Variants in MLXIP observed in about 807,000 individuals in gnomAD.
The protein encoded by MLXIP is MLX interacting protein.
A neutral mutation model predicts 87.2 loss-of-function variants in MLXIP; 30 were observed. The observed-to-expected ratio is 0.34, with a 90% CI of 0.26 to 0.47. MLXIP has a LOEUF of 0.47. Ranked by LOEUF, MLXIP falls within the 20% of genes least tolerant of loss-of-function variation. The pLI is 1.00. For missense variants in MLXIP, 1,002 were observed against 1,240.1 expected (o/e 0.81, Z 2.88); for synonymous variants, 530 against 514.0 (o/e 1.03, Z -0.42).
chr12:122,129,676 A>G, intron 5 of MLXIP, 47 bp downstream of exon 5: 1 of 1,606,024 alleles, frequency 6.2e-7, no homozygotes, highest in Non-Finnish European at 8.5e-7. Flanking sequence ...GACATGAGAC[A>G]GCAGGGACTT....
At chr12:122,096,931 T>C (rs560112933) in intron 1 of MLXIP, among the ~76,000 whole-genome samples, 12 of 152,336 alleles carry the variant, frequency 7.9e-5, no homozygotes, top group African/African-American at 2.9e-4. Flanking sequence ...CCCTGCAAGT[T>C]ACAAAACTGG....
At chr12:122,131,088 A>G (rs1380286510) in intron 7 of MLXIP, 155 bp downstream of exon 7, 1 of 155,436 alleles carries the variant, frequency 6.4e-6, no homozygotes, top group African/African-American at 2.4e-5. Context: ...TTTTGTAGTA[A>G]CTGCAAGGTC....
intron 5 of MLXIP, 97 bp from the exon 6 acceptor site, chr12:122,129,844 C>A: frequency 6.8e-7 from 1 of 1,472,136 alleles, no homozygotes; most frequent in Non-Finnish European, 9.2e-7. Context: ...TTCCACTGAG[C>A]ACCCCTTTGA....
intron 1 of MLXIP, among the ~76,000 whole-genome samples, chr12:122,113,677 A>ATTTATT (rs1305197741): frequency 4.5e-5 from 4 of 87,960 alleles, no homozygotes; most frequent in East Asian, 3.4e-4. Flanking sequence ...AACTGCCTTC[A>ATTTATT]TTTCTTTTTT....
chr12:122,138,839 C>G lies in MLXIP; in HGVS notation c.2409C>G (p.Ala803=). The G allele has an allele frequency of 6.2e-7, 1 of 1,613,964 alleles. No individual in the cohort carries two copies. Among genetic ancestry groups the G allele is most frequent in the Non-Finnish European group, 8.5e-7 (1 of 1,179,872 alleles). ...GCTCCTGCCAGCAGCTGCTCCCTGC[C>G]ACGGGAGTCCCCGTTACCCGGCGCC... ...TIISCQQLLP[A]TGVPVTRRQF... is the part of the protein sequence containing the mutation. Residue 803 remains alanine (A), a synonymous_variant, in exon 15 of 17, where the codon GCC becomes GCG. Transcript: ENST00000319080.
At chr12:122,092,379 G>A (rs901556632) in intron 1 of MLXIP, among the ~76,000 whole-genome samples, 1 of 152,170 alleles carries the variant, frequency 6.6e-6, no homozygotes, top group African/African-American at 2.4e-5. Flanking sequence ...GATTACAGGT[G>A]TGAACCACTG....
At chr12:122,106,526 GC>G (rs1952522500) in intron 1 of MLXIP, among the ~76,000 whole-genome samples, 2 of 151,784 alleles carry the variant, frequency 1.3e-5, no homozygotes, top group Admixed American at 1.3e-4. Context: ...TCCCTGGCCT[GC>G]AGAGGGTTTC....
At chr12:122,115,588 CA>C (rs35318582) in intron 1 of MLXIP, among the ~76,000 whole-genome samples, 2 of 110,732 alleles carry the variant, frequency 1.8e-5, no homozygotes, top group Non-Finnish European at 1.7e-5. Context: ...AACTCCTTCT[CA>C]AAAAAAAAAA....
In MLXIP at chr12:122,142,035, C is replaced by T. The variant is rs1271811990; in HGVS notation, c.*223C>T. 4 of 688,502 alleles carry T rather than the reference C, an allele frequency of 5.8e-6. No homozygotes were observed. Among genetic ancestry groups the T allele is most frequent in the African/African-American group, 1.8e-5 (1 of 56,760 alleles). 42.6% of individuals were successfully genotyped at this position (688,502 alleles called of 1,614,324 possible). On this transcript the variant is annotated 3_prime_UTR_variant, in exon 17 of 17. Coordinates refer to ENST00000319080, the MANE Select transcript of MLXIP (RefSeq NM_014938.6). ...GGGAACCCCTTGCTGTGAACTCTCT[C>T]ACTCAGTGACCTCAGTCACCAACCT...
intron 1 of MLXIP, among the ~76,000 whole-genome samples, chr12:122,099,698 C>T (rs1036775369): frequency 6.6e-6 from 1 of 152,246 alleles, no homozygotes; most frequent in Non-Finnish European, 1.5e-5. Flanking sequence ...CTTTCTGATG[C>T]CAACTTAGGT....
chr12:122,118,650 C>T (rs947219315), intron 1 of MLXIP, among the ~76,000 whole-genome samples: 1 of 151,842 alleles, frequency 6.6e-6, no homozygotes, highest in Non-Finnish European at 1.5e-5. Flanking sequence ...GAGTTCGAGA[C>T]CAGCCTGGCT....
At chr12:122,112,277 TG>T (rs1593085410) in intron 1 of MLXIP, among the ~76,000 whole-genome samples, 1 of 152,202 alleles carries the variant, frequency 6.6e-6, no homozygotes, top group East Asian at 1.9e-4. Context: ...TTTTGTGAGC[TG>T]TGTAAAGAAC....
At chr12:122,079,307 C>T (rs1337496541) in intron 1 of MLXIP, 41 bp downstream of exon 1, 5 of 1,527,152 alleles carry the variant, frequency 3.3e-6, no homozygotes, top group African/African-American at 2.8e-5. Flanking sequence ...GGCCGGAGGC[C>T]CTTGTTTGAC....
chr12:122,138,788 C>G (rs905497195), intron 14 of MLXIP, 27 bp from the exon 15 acceptor site: 2 of 1,609,646 alleles, frequency 1.2e-6, no homozygotes, highest in African/African-American at 1.3e-5. Flanking sequence ...GGCTGCTCCA[C>G]AGCTCCCACG....
At chr12:122,116,181 G>A (rs762871280) in intron 1 of MLXIP, among the ~76,000 whole-genome samples, 8 of 152,056 alleles carry the variant, frequency 5.3e-5, no homozygotes, top group Non-Finnish European at 8.8e-5. Context: ...GTGCTCCAGC[G>A]ATACAAGAGC....
chr12:122,080,274 A>G (rs1235241442), intron 1 of MLXIP, among the ~76,000 whole-genome samples: 1 of 152,122 alleles, frequency 6.6e-6, no homozygotes, highest in Non-Finnish European at 1.5e-5. Flanking sequence ...AGTTAAGCTT[A>G]TTGCATTAGG....
At chr12:122,079,391 G>A (rs1346849694) in intron 1 of MLXIP, 125 bp downstream of exon 1, 6 of 863,492 alleles carry the variant, frequency 6.9e-6, no homozygotes, top group Non-Finnish European at 1.1e-5. Context: ...TTCCTCCTTC[G>A]GGAGGGTTTA....
Position 122,146,991 on chromosome 12 carries a change from C to T in MLXIP, c.*5179C>T, listed in dbSNP as rs1953314199. 6.6e-6 allele frequency: 1 copy of T among 152,224 alleles called. No homozygotes were observed. The highest frequency in any genetic ancestry group is 1.5e-5 in the Non-Finnish European group (1 of 68,054). The allele number at this position is 152,224 out of a possible 1,614,324, so 9.4% of individuals were successfully genotyped here. A position where few individuals can be genotyped will look rare whatever the true frequency, so the allele number is the denominator to read the frequency against. On this transcript the variant is annotated 3_prime_UTR_variant, in exon 17 of 17. Coordinates refer to ENST00000319080, the MANE Select transcript of MLXIP (RefSeq NM_014938.6). ...TCTAGCCGAATCTTTTTCGAACAGC[C>T]CGGGAAAGGAAAACGGATTCACTTG...
intron 1 of MLXIP, among the ~76,000 whole-genome samples, chr12:122,117,013 G>A (rs1010451427): frequency 6.6e-6 from 1 of 152,140 alleles, no homozygotes; most frequent in African/African-American, 2.4e-5. Flanking sequence ...ACTCCCTCAA[G>A]TTGCCCTATT....
Sources: gnomAD v4.1 joint callset for allele counts (sites outside exome capture counted in the v4.1 genomes callset) on GRCh38, gnomAD v4.1.1 for gene constraint, MANE v1.5 for transcripts, NCBI Gene and HGNC (gene_info 2026-07-23, HGNC 2026-07-21) for gene names.